ANKRD36B: variants seen among roughly 807,000 people sequenced by gnomAD.
The protein encoded by ANKRD36B is ankyrin repeat domain 36B, also known as ankyrin repeat domain-containing protein 36B.
ANKRD36B carries 37 observed loss-of-function variants against 135.7 expected under a neutral mutation model. The observed-to-expected ratio is 0.27, with a 90% CI of 0.21 to 0.36. The LOEUF (loss-of-function observed/expected upper bound fraction) is 0.36, where lower values mean the gene tolerates loss of function less well. ANKRD36B is among the 10% of genes least tolerant of loss of function. The pLI is 1.00. For synonymous variants in ANKRD36B, 179 were observed against 348.1 expected, an observed-to-expected ratio of 0.51 and a Z score of 5.41; for missense variants, 549 against 1,037.1, an observed-to-expected ratio of 0.53 and a Z score of 6.46.
chr2:97,581,119 T>A (rs1035363800), intron 3 of ANKRD36B, among the ~76,000 whole-genome samples: 13 of 139,250 alleles, frequency 9.3e-5, no homozygotes, highest in Non-Finnish European at 1.7e-4. Context: ...AAACTGTGCA[T>A]TATGTGTCTA....
intron 35 of ANKRD36B, 145 bp from the exon 36 acceptor site, chr2:97,523,612 T>A: frequency 2.3e-6 from 1 of 432,624 alleles, no homozygotes; most frequent in South Asian, 1.9e-5. Flanking sequence ...CAATTTCCTT[T>A]ATGTTGACTC....
Position 97,532,374 on chromosome 2 carries a change from G to A in ANKRD36B, c.2202C>T (p.Asp734=), listed in dbSNP as rs1267056617. 1 of 738,718 alleles carries A rather than the reference G, an allele frequency of 1.4e-6. No homozygotes were observed. The highest frequency in any genetic ancestry group is 1.9e-5 in the African/African-American group (1 of 51,348). 45.8% of individuals were successfully genotyped at this position (738,718 alleles called of 1,614,324 possible). ...EVQTSTPAEQ[D]LEMASEGEQK... ...GCTCTCCCTCTGATGCCATTTCTAA[G>A]TCTTGTTCTGCTAAAAAAATTATAT... is the stretch of plus-strand genomic sequence containing the variant. Residue 734 remains aspartate (D), a synonymous_variant, in exon 35 of 44, where the codon GAC becomes GAT. Transcript: ENST00000359901.
intron 22 of ANKRD36B, among the ~76,000 whole-genome samples, chr2:97,546,491 A>T (rs543038057): frequency 6.6e-6 from 1 of 151,760 alleles, no homozygotes; most frequent in African/African-American, 2.4e-5. Flanking sequence ...ACTAGTTTAG[A>T]CTTCTGAAAA....
rs2104374987 is a variant in ANKRD36B, at chr2:97,522,231, C to A, written c.2407+1095G>T. On this transcript the variant is annotated intron_variant, in intron 36 of 43. Coordinates refer to ENST00000359901, the MANE Select transcript of ANKRD36B (RefSeq NM_001393939.1). ...AGATACTACAAAGCAAGTGAAAAGTCAACCCAAAAACTGGCAAAAATACCC... is the reference window on the plus strand; with the variant it reads ...AGATACTACAAAGCAAGTGAAAAGTAAACCCAAAAACTGGCAAAAATACCC... Among the ~76,000 whole-genome samples the A allele has an allele frequency of 2.4e-5, 2 of 84,672 alleles. 1 individual carries two copies. Among genetic ancestry groups the A allele is most frequent in the African/African-American group, 7.4e-5 (2 of 27,110 alleles). 55.5% of individuals were successfully genotyped at this position (84,672 alleles called of 152,430 possible). A position where few individuals can be genotyped will look rare whatever the true frequency, so the allele number is the denominator to read the frequency against.
chr2:97,572,592 T>G (rs1271296168), intron 6 of ANKRD36B, among the ~76,000 whole-genome samples: 2 of 150,088 alleles, frequency 1.3e-5, no homozygotes, highest in African/African-American at 4.9e-5. Context: ...GTGCTAAAGA[T>G]ATAAAGAAGT....
chr2:97,556,803 A>T, intron 12 of ANKRD36B, 134 bp downstream of exon 12: 2 of 1,398,510 alleles, frequency 1.4e-6, no homozygotes, highest in Non-Finnish European at 1.9e-6. Flanking sequence ...CTGACAACTT[A>T]CTAGAAATGC....
At chr2:97,570,298 G>A (rs984087808) in intron 6 of ANKRD36B, among the ~76,000 whole-genome samples, 32 of 152,238 alleles carry the variant, frequency 2.1e-4, no homozygotes, top group Admixed American at 1.3e-3. Context: ...TTAAGTTGGG[G>A]CTGTAACTGC....
Position 97,525,785 on chromosome 2 carries a change from T to G in ANKRD36B, c.2266-2318A>C, listed in dbSNP as rs1218681341. Among the ~76,000 whole-genome samples, 3 of 97,526 alleles carry G rather than the reference T, an allele frequency of 3.1e-5. 1 individual carries two copies. The highest frequency in any genetic ancestry group is 5.5e-5 in the Non-Finnish European group (2 of 36,396). 64.0% of individuals were successfully genotyped at this position (97,526 alleles called of 152,430 possible). On this transcript the variant is annotated intron_variant, in intron 35 of 43. Coordinates refer to ENST00000359901, the MANE Select transcript of ANKRD36B (RefSeq NM_001393939.1). ...CTGGCTCAGACAGTCCTATGCCCAT[T>G]GAGTCTCACTGATTGCTAGCACAGC...
rs1365088959 is a variant in ANKRD36B, at chr2:97,539,345, C to T, written c.1987+689G>A. Among the ~76,000 whole-genome samples the T allele has an allele frequency of 6.2e-5, 6 of 96,438 alleles. 2 individuals carry two copies. The highest frequency in any genetic ancestry group is 1.9e-4 in the African/African-American group (6 of 32,168). The allele number at this position is 96,438 out of a possible 152,430, so 63.3% of individuals were successfully genotyped here. A position where few individuals can be genotyped will look rare whatever the true frequency, so the allele number is the denominator to read the frequency against. On this transcript the variant is annotated intron_variant, in intron 30 of 43. Transcript: ENST00000359901. ...ATTTCATTTGAATAACTAATATCAA[C>T]AAAACATATATCTCTGACACCCAAG...
chr2:97,585,640 C>T (rs1446315927), intron 1 of ANKRD36B, among the ~76,000 whole-genome samples: 2 of 152,176 alleles, frequency 1.3e-5, no homozygotes, highest in African/African-American at 4.8e-5. Context: ...GTTATTTAGC[C>T]TTTCTTTGCT....
intron 6 of ANKRD36B, among the ~76,000 whole-genome samples, chr2:97,566,029 A>G (rs1430599422): frequency 3.3e-5 from 5 of 151,796 alleles, no homozygotes; most frequent in Non-Finnish European, 5.9e-5. Flanking sequence ...AAAAAATCAT[A>G]CAGGCTGGGC....
rs372942587 is a variant in ANKRD36B at position 97,534,136 on chromosome 2, A to T, written c.2192-1752T>A. Among the ~76,000 whole-genome samples the T allele has an allele frequency of 1.8e-4, 17 of 96,118 alleles. 3 individuals are homozygous for T. In the East Asian group the frequency reaches 3.0e-3, roughly 17 times the overall value. 63.1% of individuals were successfully genotyped at this position (96,118 alleles called of 152,430 possible). On this transcript the variant is annotated intron_variant, in intron 34 of 43. Coordinates refer to ENST00000359901, the MANE Select transcript of ANKRD36B (RefSeq NM_001393939.1). ...ATGAAAAAATTAAATTTCCACAGAC[A>T]TTAATAACATTTTATACTTCAAAAT...
intron 6 of ANKRD36B, among the ~76,000 whole-genome samples, chr2:97,566,052 G>A (rs560776375): frequency 6.6e-6 from 1 of 151,986 alleles, no homozygotes; most frequent in East Asian, 1.9e-4. Context: ...AGTGGCTCAT[G>A]GCTGTGATCT....
At chr2:97,556,241 T>C (rs1257931073) in intron 12 of ANKRD36B, among the ~76,000 whole-genome samples, 2 of 151,854 alleles carry the variant, frequency 1.3e-5, no homozygotes, top group African/African-American at 2.4e-5. Flanking sequence ...GAATAACTAA[T>C]AAAAAATATA....
intron 20 of ANKRD36B, among the ~76,000 whole-genome samples, chr2:97,548,766 A>T (rs2079744532): frequency 6.6e-6 from 1 of 151,958 alleles, no homozygotes; most frequent in African/African-American, 2.4e-5. Flanking sequence ...GTAATGACTC[A>T]GTGTGTTTTT....
chr2:97,562,250 T>C (rs2081092306), intron 6 of ANKRD36B, among the ~76,000 whole-genome samples: 4 of 151,832 alleles, frequency 2.6e-5, no homozygotes, highest in African/African-American at 4.8e-5. Flanking sequence ...ATAATACATA[T>C]ATATACATAT....
intron 6 of ANKRD36B, among the ~76,000 whole-genome samples, chr2:97,566,215 G>A (rs1299265893): frequency 6.6e-6 from 1 of 151,986 alleles, no homozygotes; most frequent in African/African-American, 2.4e-5. Flanking sequence ...CAGCTACTCG[G>A]GAGGCTGAGA....
intron 12 of ANKRD36B, 74 bp from the exon 13 acceptor site, chr2:97,555,328 A>C (rs1282897772): frequency 1.8e-5 from 28 of 1,593,834 alleles, no homozygotes; most frequent in Non-Finnish European, 2.2e-5. Flanking sequence ...ATGAAATGTT[A>C]GCATCAAGCT....
Position 97,545,176 on chromosome 2 carries a change from C to G in ANKRD36B, c.1681+490G>C, listed in dbSNP as rs1406693672. Among the ~76,000 whole-genome samples, 6 of 95,618 alleles carry G rather than the reference C, an allele frequency of 6.3e-5. 2 individuals carry two copies. The highest frequency in any genetic ancestry group is 1.9e-4 in the African/African-American group (6 of 32,138). 62.7% of individuals were successfully genotyped at this position (95,618 alleles called of 152,430 possible). On this transcript the variant is annotated intron_variant, in intron 24 of 43. Transcript: ENST00000359901. ...AAATCCCAAATTACATAAATAACTTCTTCTTTTCTCTCCTTCCTGACTCAC... is the reference window on the plus strand; with the variant it reads ...AAATCCCAAATTACATAAATAACTTGTTCTTTTCTCTCCTTCCTGACTCAC...
Sources: gnomAD v4.1 joint callset for allele counts (sites outside exome capture counted in the v4.1 genomes callset) on GRCh38, gnomAD v4.1.1 for gene constraint, MANE v1.5 for transcripts, NCBI Gene and HGNC (gene_info 2026-07-23, HGNC 2026-07-21) for gene names.